Variants in METTL15 observed in about 807,000 individuals in gnomAD.
METTL15 encodes the protein 12S rRNA N(4)-cytidine methyltransferase METTL15.
METTL15 carries 34 observed loss-of-function variants against 38.3 expected under a neutral mutation model. The ratio of observed to expected loss-of-function variants is 0.89; its 90% CI spans 0.68 to 1.18. The LOEUF (loss-of-function observed/expected upper bound fraction) is 1.18. Among genes scored for constraint, METTL15 ranks in the 50% most tolerant of loss-of-function variants. The probability of loss-of-function intolerance (pLI) is 0.00; values close to 1 mark genes in which losing one functional copy is unlikely to be tolerated. For missense variants in METTL15, 438 were observed against 498.4 expected (o/e 0.88, Z 1.15); for synonymous variants, 162 against 170.9 (o/e 0.95, Z 0.41).
At chr11:28,438,737 C>T (rs763756388) in intron 6 of METTL15, among the ~76,000 whole-genome samples, 7 of 145,118 alleles carry the variant, frequency 4.8e-5, no homozygotes, top group African/African-American at 1.0e-4. Flanking sequence ...TGCAGTGGCA[C>T]GAACTCGGCT....
intron 6 of METTL15, among the ~76,000 whole-genome samples, chr11:28,480,828 C>G (rs16917951): frequency 0.098 from 14,872 of 152,130 alleles, 1,108 homozygotes; most frequent in East Asian, 0.36. Context: ...GCAACAGTTT[C>G]AGACAGAAGG....
intron 6 of METTL15, among the ~76,000 whole-genome samples, chr11:28,477,713 T>C (rs568530881): frequency 1.3e-5 from 2 of 152,328 alleles, no homozygotes; most frequent in South Asian, 4.1e-4. Flanking sequence ...CTCATTTCAT[T>C]TTAAATAATT....
At chr11:28,370,407 T>C (rs1413645669) in intron 5 of METTL15, among the ~76,000 whole-genome samples, 1 of 152,024 alleles carries the variant, frequency 6.6e-6, no homozygotes, top group Non-Finnish European at 1.5e-5. Context: ...TTTTTATGGC[T>C]GAATAATATT....
At chr11:28,501,912 G>A (rs12365038) in intron 6 of METTL15, among the ~76,000 whole-genome samples, 68,094 of 151,842 alleles carry the variant, frequency 0.45, 15,866 homozygotes, top group Admixed American at 0.54. Flanking sequence ...ATCCTGGCTA[G>A]CGTGGTGAAA....
chr11:28,404,507 G>T (rs1021498019), intron 5 of METTL15, among the ~76,000 whole-genome samples: 1 of 152,098 alleles, frequency 6.6e-6, no homozygotes, highest in Middle Eastern at 3.4e-3. Flanking sequence ...GCTCTCTGGG[G>T]CCAATTTTAT....
Position 28,330,647 on chromosome 11 carries a change from C to T in METTL15, c.1030C>T (p.Leu344=). The change falls in exon 7 of 7, where the codon CTA becomes TTA. Residue 344 remains leucine (L), a synonymous_variant. Transcript: ENST00000407364. ...LGISMTERFN[L]SVRQQVMKTS... is the part of the protein sequence containing the mutation. ...AATAAGCATGACAGAAAGATTTAAC[C>T]TAAGTGTTAGACAACAAGTGATGAA... is the stretch of plus-strand genomic sequence containing the variant. 6.4e-7 allele frequency: 1 copy of T among 1,551,344 alleles called. No homozygotes were observed. Among genetic ancestry groups the T allele is most frequent in the South Asian group, 1.2e-5 (1 of 84,050 alleles).
intron 6 of METTL15, among the ~76,000 whole-genome samples, chr11:28,444,263 C>G (rs1590377056): frequency 6.6e-6 from 1 of 152,248 alleles, no homozygotes; most frequent in East Asian, 1.9e-4. Context: ...TGTATAGCTA[C>G]ATACTGTCAA....
chr11:28,328,911 G>T (rs898262169), intron 6 of METTL15, among the ~76,000 whole-genome samples: 7 of 151,834 alleles, frequency 4.6e-5, no homozygotes, highest in African/African-American at 9.7e-5. Context: ...TCTCTGACTT[G>T]TCTTTCATTT....
At chr11:28,465,086 AAGGAACTTGTGCTTGC>A (rs1185115566) in intron 6 of METTL15, among the ~76,000 whole-genome samples, 1 of 152,202 alleles carries the variant, frequency 6.6e-6, no homozygotes, top group Non-Finnish European at 1.5e-5. Flanking sequence ...ACACATGGCC[AAGGAACTTGTGCTTGC>A]CAATTTCCCC....
At chr11:28,485,974 G>C (rs555167535) in intron 6 of METTL15, among the ~76,000 whole-genome samples, 1 of 152,084 alleles carries the variant, frequency 6.6e-6, no homozygotes, top group Non-Finnish European at 1.5e-5. Flanking sequence ...ATTAGGACCC[G>C]ACTCTTAAGA....
chr11:28,207,224 A>C (rs1590157795), intron 3 of METTL15, among the ~76,000 whole-genome samples: 1 of 151,902 alleles, frequency 6.6e-6, no homozygotes, highest in African/African-American at 2.4e-5. Flanking sequence ...TTGCACATTC[A>C]GTATGATATT....
In METTL15 at chr11:28,330,385, A is replaced by G. The variant is rs374959611; in HGVS notation, c.779-11A>G. 18 of 1,527,106 alleles carry G rather than the reference A, an allele frequency of 1.2e-5. No homozygotes were observed. The highest frequency in any genetic ancestry group is 1.5e-5 in the Non-Finnish European group (17 of 1,137,350). 94.6% of individuals were successfully genotyped at this position (1,527,106 alleles called of 1,614,324 possible). A position where few individuals can be genotyped will look rare whatever the true frequency, so the allele number is the denominator to read the frequency against. On this transcript the variant is annotated splice_polypyrimidine_tract_variant and intron_variant, in intron 6 of 6. Transcript: ENST00000407364. ...GGTCTTCTTTTCCTATCTTTACAACATTTGTTTTAGGAGCATTTCCTCCCT... is the reference window on the plus strand; with the variant it reads ...GGTCTTCTTTTCCTATCTTTACAACGTTTGTTTTAGGAGCATTTCCTCCCT...
intron 5 of METTL15, among the ~76,000 whole-genome samples, chr11:28,378,501 G>T (rs192256176): frequency 6.6e-6 from 1 of 152,200 alleles, no homozygotes; most frequent in Non-Finnish European, 1.5e-5. Flanking sequence ...GCAATGCCTC[G>T]CCCTGCTTCG....
At chr11:28,354,030 A>G (rs1045302234) in intron 4 of METTL15, among the ~76,000 whole-genome samples, 12 of 152,132 alleles carry the variant, frequency 7.9e-5, no homozygotes, top group African/African-American at 2.9e-4. Flanking sequence ...ATATTCTAAG[A>G]GAGAAGCTGG....
intron 3 of METTL15, among the ~76,000 whole-genome samples, chr11:28,152,902 G>A (rs574437545): frequency 6.6e-6 from 1 of 152,026 alleles, no homozygotes; most frequent in East Asian, 1.9e-4. Flanking sequence ...TCTGGGAAAG[G>A]GGTGGGCAGT....
chr11:28,241,924 TTTATTC>T (rs968204879), intron 4 of METTL15, among the ~76,000 whole-genome samples: 2 of 152,186 alleles, frequency 1.3e-5, no homozygotes, highest in Non-Finnish European at 2.9e-5. Flanking sequence ...AACATTGGCT[TTTATTC>T]TAAGTGAAAT....
At chr11:28,502,736 A>T (rs1851595382) in intron 6 of METTL15, among the ~76,000 whole-genome samples, 1 of 151,950 alleles carries the variant, frequency 6.6e-6, no homozygotes, top group Admixed American at 6.6e-5. Context: ...TGGGATGTTG[A>T]GGGTTGTGAG....
chr11:28,179,293 G>T lies in METTL15; in HGVS notation c.271-31769G>T, dbSNP rs113233490. 9.1e-3 allele frequency among the ~76,000 whole-genome samples: 1,384 copies of T among 151,650 alleles called. 23 individuals are homozygous for T. Among genetic ancestry groups the T allele is most frequent in the African/African-American group, 0.031 (1,304 of 41,452 alleles). ...ACCCTCTGTTAATTTTTCATTATGC[G>T]TTATTTTTTCTGTAACAGTTTTTTA... On this transcript the variant is annotated intron_variant, in intron 3 of 6. Coordinates refer to ENST00000407364, the MANE Select transcript of METTL15 (RefSeq NM_001113528.2).
chr11:28,389,135 T>A (rs1178521236), intron 5 of METTL15, among the ~76,000 whole-genome samples: 1 of 152,096 alleles, frequency 6.6e-6, no homozygotes, highest in African/African-American at 2.4e-5. Context: ...AGTGCCTCAA[T>A]AAACATACGT....
Sources: allele counts gnomAD v4.1 joint callset (sites outside exome capture counted in the v4.1 genomes callset), GRCh38; gene constraint gnomAD v4.1.1; transcripts MANE v1.5; gene names NCBI Gene and HGNC (gene_info 2026-07-23, HGNC 2026-07-21).